DPYD: variants seen among roughly 807,000 people sequenced by gnomAD.
The protein encoded by DPYD is dihydropyrimidine dehydrogenase, also known as dihydropyrimidine dehydrogenase [NADP(+)].
Under a neutral mutation model 116.2 loss-of-function variants are expected in DPYD, and 109 were observed. The observed-to-expected ratio is 0.94, with a 90% CI of 0.80 to 1.10. The LOEUF (loss-of-function observed/expected upper bound fraction) is 1.10, where lower values mean the gene tolerates loss of function less well. DPYD is among the 50% of genes least tolerant of loss of function. The pLI is 0.00. For missense variants in DPYD, 1,302 were observed against 1,254.5 expected (o/e 1.04, Z -0.57); for synonymous variants, 440 against 432.0 (o/e 1.02, Z -0.23).
chr1:97,756,340 G>A (rs1053240241), intron 3 of DPYD, among the ~76,000 whole-genome samples: 8 of 152,082 alleles, frequency 5.3e-5, no homozygotes, highest in African/African-American at 1.4e-4. Flanking sequence ...ATCTTATAGC[G>A]CAGGGTGGTG....
chr1:97,796,459 T>G (rs1381422647), intron 3 of DPYD, among the ~76,000 whole-genome samples: 1 of 152,106 alleles, frequency 6.6e-6, no homozygotes, highest in African/African-American at 2.4e-5. Context: ...TTTTAGTCCT[T>G]TATATCTTTG....
At chr1:97,831,785 G>A (rs1383237254) in intron 2 of DPYD, among the ~76,000 whole-genome samples, 1 of 151,624 alleles carries the variant, frequency 6.6e-6, no homozygotes, top group African/African-American at 2.4e-5. Flanking sequence ...ACAGCAAGCA[G>A]AAGAACAAAA....
At chr1:97,365,343 A>T (rs12124566) in intron 16 of DPYD, among the ~76,000 whole-genome samples, 1 of 152,124 alleles carries the variant, frequency 6.6e-6, no homozygotes, top group Non-Finnish European at 1.5e-5. Context: ...CTGCCCTGAC[A>T]ATCTCTATTA....
At chr1:97,225,879 G>C (rs1661120992) in intron 19 of DPYD, among the ~76,000 whole-genome samples, 1 of 151,874 alleles carries the variant, frequency 6.6e-6, no homozygotes, top group Non-Finnish European at 1.5e-5. Context: ...TTCATTTTGA[G>C]TTTGAGTTTC....
Position 97,305,440 on chromosome 1 carries a change from T to A in DPYD, c.2180-62A>T, listed in dbSNP as rs372206600. 4 of 1,607,514 alleles carry A rather than the reference T, an allele frequency of 2.5e-6. No homozygotes were observed. The African/African-American group carries it at 4.0e-5, about 16-fold the overall frequency. The stretch of plus-strand genomic sequence containing the variant: ...ATAAGACACGATAGTTAAAACCCAT[T>A]CAAACCCTCACATCCCAGAAAAATG... On this transcript the variant is annotated intron_variant, in intron 17 of 22. Coordinates refer to ENST00000370192, the MANE Select transcript of DPYD (RefSeq NM_000110.4).
chr1:97,250,693 A>G (rs1663028818), intron 18 of DPYD, among the ~76,000 whole-genome samples: 1 of 152,216 alleles, frequency 6.6e-6, no homozygotes, highest in East Asian at 1.9e-4. Flanking sequence ...AAGAGAGAAT[A>G]GAATGAATAT....
At chr1:97,894,004 T>C (rs1337779074) in intron 1 of DPYD, among the ~76,000 whole-genome samples, 8 of 151,908 alleles carry the variant, frequency 5.3e-5, no homozygotes, top group African/African-American at 1.2e-4. Flanking sequence ...AATTCTGACA[T>C]AGACAATTTA....
rs984292229 is a variant in DPYD at position 97,679,328 on chromosome 1, T to C, written c.763-146A>G. 3 of 540,794 alleles carry C rather than the reference T, an allele frequency of 5.5e-6. 1 individual carries two copies. The highest frequency in any genetic ancestry group is 3.8e-5 in the African/African-American group (2 of 52,686). 33.5% of individuals were successfully genotyped at this position (540,794 alleles called of 1,614,324 possible). A position where few individuals can be genotyped will look rare whatever the true frequency, so the allele number is the denominator to read the frequency against. The stretch of plus-strand genomic sequence containing the variant: ...GACAACATTTTTGTCTTTTAGTATA[T>C]AGGTTTACATACACAAAATAGTATA... On this transcript the variant is annotated intron_variant, in intron 7 of 22. Coordinates refer to ENST00000370192, the MANE Select transcript of DPYD (RefSeq NM_000110.4).
At chr1:97,665,196 G>C (rs61525999) in intron 8 of DPYD, among the ~76,000 whole-genome samples, 1 of 152,048 alleles carries the variant, frequency 6.6e-6, no homozygotes, top group Non-Finnish European at 1.5e-5. Flanking sequence ...TATTTCTACA[G>C]TCAACAGGAG....
chr1:97,683,127 C>A (rs921865766), intron 7 of DPYD, among the ~76,000 whole-genome samples: 2 of 151,920 alleles, frequency 1.3e-5, no homozygotes, highest in African/African-American at 4.8e-5. Context: ...CATACATACT[C>A]TTCACAGTTG....
At chr1:97,788,991 A>G (rs1667182736) in intron 3 of DPYD, among the ~76,000 whole-genome samples, 1 of 152,012 alleles carries the variant, frequency 6.6e-6, no homozygotes. Context: ...TTTTGTAGAG[A>G]TGGGGTTTCA....
intron 10 of DPYD, chr1:97,586,291 G>T (rs1654091780): frequency 6.6e-6 from 1 of 151,166 alleles, no homozygotes; most frequent in South Asian, 2.1e-4. Flanking sequence ...TAGAGATGGT[G>T]CAGGAATAAA....
At chr1:97,190,223 A>T (rs942911915) in intron 20 of DPYD, among the ~76,000 whole-genome samples, 1 of 151,926 alleles carries the variant, frequency 6.6e-6, no homozygotes, top group African/African-American at 2.4e-5. Context: ...TGCCTCTTTT[A>T]TTTCACTTCT....
rs560278370 is a variant in DPYD, at chr1:97,851,496, C to T, written c.151-23300G>A. Among the ~76,000 whole-genome samples, 19 of 151,880 alleles carry T rather than the reference C, an allele frequency of 1.3e-4. No homozygotes were observed. In the South Asian group the frequency reaches 2.3e-3, roughly 18 times the overall value. On this transcript the variant is annotated intron_variant, in intron 2 of 22. Coordinates refer to ENST00000370192, the MANE Select transcript of DPYD (RefSeq NM_000110.4). ...AACACATGAATGGCATACAGCATCACGGAAATTCAAGAAAATATAGTTATA... is the reference window on the plus strand; with the variant it reads ...AACACATGAATGGCATACAGCATCATGGAAATTCAAGAAAATATAGTTATA...
At chr1:97,381,208 C>A (rs1292884178) in intron 15 of DPYD, among the ~76,000 whole-genome samples, 1 of 151,434 alleles carries the variant, frequency 6.6e-6, no homozygotes, top group African/African-American at 2.4e-5. Flanking sequence ...TTAAATAAAA[C>A]TGAAATTAAA....
intron 5 of DPYD, among the ~76,000 whole-genome samples, chr1:97,708,635 A>G (rs1432111007): frequency 6.6e-6 from 1 of 152,018 alleles, no homozygotes; most frequent in East Asian, 1.9e-4. Flanking sequence ...TTGCCTCTCT[A>G]TATAAACTTT....
chr1:97,773,541 C>G (rs1232127075), intron 3 of DPYD, among the ~76,000 whole-genome samples: 2 of 152,134 alleles, frequency 1.3e-5, no homozygotes, highest in African/African-American at 4.8e-5. Flanking sequence ...ATGCTCCCCC[C>G]ATCCTGTGCC....
At chr1:97,526,529 C>T (rs979911886) in intron 12 of DPYD, among the ~76,000 whole-genome samples, 1 of 152,114 alleles carries the variant, frequency 6.6e-6, no homozygotes, top group Non-Finnish European at 1.5e-5. Flanking sequence ...TTTTAAAAAT[C>T]CCTCCAAGAA....
intron 13 of DPYD, among the ~76,000 whole-genome samples, chr1:97,497,184 G>A (rs990434402): frequency 3.3e-5 from 5 of 151,898 alleles, no homozygotes; most frequent in Non-Finnish European, 5.9e-5. Context: ...GCTATCTACA[G>A]TATATTAAAT....
Sources: gnomAD v4.1 joint callset for allele counts (sites outside exome capture counted in the v4.1 genomes callset) on GRCh38, gnomAD v4.1.1 for gene constraint, MANE v1.5 for transcripts, NCBI Gene and HGNC (gene_info 2026-07-23, HGNC 2026-07-21) for gene names.